Variants in DBF4B observed in about 807,000 individuals in gnomAD.
DBF4B encodes the protein protein DBF4 homolog B.
Under a neutral mutation model 53.4 loss-of-function variants are expected in DBF4B, and 49 were observed. That is an observed-to-expected ratio of 0.92 (90% CI 0.73 to 1.16). The LOEUF (loss-of-function observed/expected upper bound fraction) is 1.16. Among genes scored for constraint, DBF4B ranks in the 50% most tolerant of loss-of-function variants. The probability of loss-of-function intolerance (pLI) is 0.00; values close to 1 mark genes in which losing one functional copy is unlikely to be tolerated. For synonymous variants in DBF4B, 257 were observed against 288.7 expected (o/e 0.89, Z 1.11); for missense variants, 692 against 775.0 (o/e 0.89, Z 1.27).
intron 5 of DBF4B, 78 bp from the exon 6 acceptor site, chr17:44,732,100 A>G (rs1974888907): frequency 6.8e-7 from 1 of 1,473,264 alleles, no homozygotes; most frequent in African/African-American, 1.4e-5. Flanking sequence ...GCCTCCCAGA[A>G]GCAATTTCTA....
intron 2 of DBF4B, among the ~76,000 whole-genome samples, chr17:44,712,301 CTTTTTTT>C (rs1163777667): frequency 2.8e-5 from 2 of 71,910 alleles, no homozygotes; most frequent in Non-Finnish European, 4.8e-5. Flanking sequence ...ATTATGTCTT[CTTTTTTT>C]TTTTTTTTTT....
Position 44,734,150 on chromosome 17 carries a change from C to A in DBF4B, c.617C>A (p.Pro206Gln). 1 of 1,614,150 alleles carries A rather than the reference C, an allele frequency of 6.2e-7. No homozygotes were observed. Among genetic ancestry groups the A allele is most frequent in the Non-Finnish European group, 8.5e-7 (1 of 1,180,026 alleles). ...TCTTTATGTGTGAAAAAACAACAGC[C>A]AAAGAAGCCAGAGGTAGGTCATCCT... The part of the protein sequence containing the change: ...LASLCVKKQQ[P>Q]KKPEGTCPAA... Residue 206 changes from proline (P) to glutamine (Q), a missense_variant, in exon 7 of 14, where the codon CCA becomes CAA. Pro to Gln is a moderately conservative substitution (Grantham distance 76). Transcript: ENST00000315005.
At chr17:44,724,955 A>G (rs1172930822) in intron 3 of DBF4B, among the ~76,000 whole-genome samples, 1 of 152,136 alleles carries the variant, frequency 6.6e-6, no homozygotes. Context: ...TGTCTCTACT[A>G]AAAATACAAA....
At chr17:44,718,836 G>A (rs1399846343) in intron 2 of DBF4B, 5 of 151,706 alleles carry the variant, frequency 3.3e-5, no homozygotes, top group African/African-American at 1.2e-4. Context: ...GGTGCCGCAT[G>A]CCTGTAATCC....
intron 2 of DBF4B, among the ~76,000 whole-genome samples, chr17:44,712,026 G>A (rs766587903): frequency 2.4e-4 from 37 of 151,506 alleles, no homozygotes; most frequent in Non-Finnish European, 3.2e-4. Flanking sequence ...GAACCCAGGA[G>A]GTGGAGGTTG....
intron 2 of DBF4B, among the ~76,000 whole-genome samples, chr17:44,721,222 C>A (rs8071474): frequency 1.5e-5 from 2 of 129,824 alleles, no homozygotes; most frequent in East Asian, 2.2e-4. Flanking sequence ...TTCTTCCCCC[C>A]CCCTCCCCTT....
intron 2 of DBF4B, among the ~76,000 whole-genome samples, chr17:44,711,423 G>C (rs1302841755): frequency 6.6e-6 from 1 of 152,096 alleles, no homozygotes; most frequent in Non-Finnish European, 1.5e-5. Context: ...CAATTCTCCT[G>C]CCTCAGTCTC....
In DBF4B at chr17:44,726,292, T is replaced by TTTTATGTATGTA. The variant is rs1555676225; in HGVS notation, c.225+3275_225+3276insGTATGTATTTAT. On this transcript the variant is annotated intron_variant, in intron 3 of 13. Coordinates refer to ENST00000315005, the MANE Select transcript of DBF4B (RefSeq NM_145663.3). The stretch of plus-strand genomic sequence containing the variant: ...GTGTGAGCCATCGCACCCGGCCCTT[T>TTTTATGTATGTA]TTTATTTATTTATTTATTTATTTAT... Among the ~76,000 whole-genome samples the TTTTATGTATGTA allele has an allele frequency of 2.3e-5, 3 of 132,090 alleles. No homozygotes were observed. In the South Asian group the frequency reaches 7.6e-4, roughly 33 times the overall value. 86.7% of individuals were successfully genotyped at this position (132,090 alleles called of 152,430 possible).
intron 3 of DBF4B, among the ~76,000 whole-genome samples, chr17:44,727,864 ATTTTTTT>A (rs756222247): frequency 0.06 from 6,450 of 106,780 alleles, 204 homozygotes; most frequent in Non-Finnish European, 0.086. Context: ...TGCCCGGGTA[ATTTTTTT>A]TTTTTTTTTT....
At chr17:44,721,535 C>T (rs988304064) in intron 2 of DBF4B, among the ~76,000 whole-genome samples, 1 of 152,032 alleles carries the variant, frequency 6.6e-6, no homozygotes, top group Admixed American at 6.6e-5. Flanking sequence ...TTTTCTTTAA[C>T]TGCTGTTCCT....
Position 44,721,014 on chromosome 17 carries a change from A to G in DBF4B, c.83-1866A>G, listed in dbSNP as rs1973788688. On this transcript the variant is annotated intron_variant, in intron 2 of 13. Transcript: ENST00000315005. The stretch of plus-strand genomic sequence containing the variant: ...CCGAGTAGCTGGGATTACAGGCGTG[A>G]ACCACCACGCCCGGTTATTTTTTGT... Among the ~76,000 whole-genome samples, 2 of 150,442 alleles carry G rather than the reference A, an allele frequency of 1.3e-5. 1 individual carries two copies. Among genetic ancestry groups the G allele is most frequent in the South Asian group, 4.2e-4 (2 of 4,746 alleles).
chr17:44,724,478 T>C (rs1974120841), intron 3 of DBF4B, among the ~76,000 whole-genome samples: 1 of 152,128 alleles, frequency 6.6e-6, no homozygotes, highest in Non-Finnish European at 1.5e-5. Context: ...CACGGGTTCA[T>C]GCCATTCTCC....
At position 44,748,457 on chromosome 17, in the gene DBF4B, AG is replaced by A; in HGVS notation, c.1183del (p.Ala395HisfsTer3). 6.2e-7 allele frequency: 1 copy of A among 1,614,018 alleles called. No individual in the cohort carries two copies. The highest frequency in any genetic ancestry group is 8.5e-7 in the Non-Finnish European group (1 of 1,179,898). ...SPRIRKEDSC[Q>X]ASVTQGRAAG... ...AGGATAAGGAAAGAAGACAGCTGCC[AG>A]GCATCAGGTATCCCAGAGCAGGATG... On this transcript the variant is annotated frameshift_variant, in exon 13 of 14. Transcript: ENST00000315005. LOFTEE classifies it low-confidence loss of function (END_TRUNC).
intron 7 of DBF4B, among the ~76,000 whole-genome samples, chr17:44,734,487 C>T (rs2144996314): frequency 6.6e-6 from 1 of 152,348 alleles, no homozygotes; most frequent in South Asian, 2.1e-4. Context: ...ACTGACCAGG[C>T]TGCTATTCTG....
chr17:44,726,088 CA>C (rs149129883), intron 3 of DBF4B, among the ~76,000 whole-genome samples: 29,363 of 151,556 alleles, frequency 0.19, 3,050 homozygotes, highest in African/African-American at 0.27. Flanking sequence ...CTCCCGGGTT[CA>C]AGCAATTCTC....
At chr17:44,741,243 A>G (rs1314231007) in intron 9 of DBF4B, 93 bp from the exon 10 acceptor site, 1 of 877,960 alleles carries the variant, frequency 1.1e-6, no homozygotes, top group African/African-American at 1.7e-5. Context: ...AGTCCACTTT[A>G]TCAGGGCTGG....
At chr17:44,729,442 T>C (rs1251759069) in intron 3 of DBF4B, among the ~76,000 whole-genome samples, 3 of 151,930 alleles carry the variant, frequency 2.0e-5, no homozygotes, top group African/African-American at 7.3e-5. Context: ...CTGACCTCAA[T>C]TGATCCTCCC....
intron 2 of DBF4B, among the ~76,000 whole-genome samples, chr17:44,718,422 CAAAA>C (rs910495325): frequency 9.8e-6 from 1 of 102,200 alleles, no homozygotes. Flanking sequence ...GACTCTATCT[CAAAA>C]AAAAAAAAAA....
Position 44,709,337 on chromosome 17 carries a change from C to T in DBF4B, c.53C>T (p.Ala18Val), listed in dbSNP as rs756057218. The change falls in exon 2 of 14, where the codon GCT becomes GTT. Residue 18 changes from alanine to valine, a missense_variant. This residue lies in a region of DBF4B where 66 missense variants were observed against 51.3 expected (regional missense o/e 1.29). Coordinates refer to ENST00000315005, the MANE Select transcript of DBF4B (RefSeq NM_145663.3). ...DDCLELESSM[A>V]ESRLRAPDLG... ...TGCCTCGAGCTGGAGAGTTCCATGG[C>T]TGAGAGTAGGCTCCGGGCCCCGGAC... 3.7e-6 allele frequency: 6 copies of T among 1,613,890 alleles called. No homozygotes were observed. The highest frequency in any genetic ancestry group is 1.3e-5 in the African/African-American group (1 of 74,852).
Sources: gnomAD v4.1 joint callset for allele counts (sites outside exome capture counted in the v4.1 genomes callset) on GRCh38, gnomAD v4.1.1 for gene constraint, gnomAD v4.1.1 regional missense constraint, MANE v1.5 for transcripts, NCBI Gene and HGNC (gene_info 2026-07-23, HGNC 2026-07-21) for gene names.